The following SPAG6 variants were observed in gnomAD, a reference collection of about 807,000 sequenced individuals.
The protein encoded by SPAG6 is sperm-associated antigen 6.
Under a neutral mutation model 58.5 loss-of-function variants are expected in SPAG6, and 49 were observed. The ratio of observed to expected loss-of-function variants is 0.84; its 90% CI spans 0.67 to 1.06. The LOEUF is 1.06. SPAG6 is among the 50% of genes least tolerant of loss of function. SPAG6 has a pLI of 0.00. For missense variants in SPAG6, 560 were observed against 611.3 expected (o/e 0.92, Z 0.89); for synonymous variants, 233 against 225.6 (o/e 1.03, Z -0.29).
intron 2 of SPAG6, among the ~76,000 whole-genome samples, chr10:22,347,852 G>A (rs1257839027): frequency 6.6e-6 from 1 of 152,180 alleles, no homozygotes; most frequent in Non-Finnish European, 1.5e-5. Context: ...TTCTTTTCCT[G>A]AGGGACTTAT....
rs1588626820 is a variant in SPAG6, at chr10:22,345,501, A to G, written c.-111A>G. On this transcript the variant is annotated 5_prime_UTR_variant, in exon 1 of 11. Coordinates refer to ENST00000376624, the MANE Select transcript of SPAG6 (RefSeq NM_012443.4). This position sits in a 1 kb window ranked among gnomAD's most constrained non-coding sequence, Gnocchi z 6.3. ...CCCGGGAGACGCGGGTACACAGAGAAGCGGCTCCCGTCGGAGGCCGAGTCG... is the reference window on the plus strand; with the variant it reads ...CCCGGGAGACGCGGGTACACAGAGAGGCGGCTCCCGTCGGAGGCCGAGTCG... 1 of 897,744 alleles carries G rather than the reference A, an allele frequency of 1.1e-6. No homozygotes were observed. Among genetic ancestry groups the G allele is most frequent in the South Asian group, 1.7e-5 (1 of 58,940 alleles). The allele number at this position is 897,744 out of a possible 1,614,324, so 55.6% of individuals were successfully genotyped here.
chr10:22,347,567 T>C (rs989695283), intron 2 of SPAG6, among the ~76,000 whole-genome samples: 4 of 152,224 alleles, frequency 2.6e-5, no homozygotes, highest in African/African-American at 9.6e-5. Context: ...ATAATTGATA[T>C]TATTTTCAAA....
chr10:22,360,864 G>A, intron 2 of SPAG6: 3 of 1,508,950 alleles, frequency 2.0e-6, no homozygotes, highest in Non-Finnish European at 1.8e-6. Context: ...TAATGGACAG[G>A]CAGGTAAGAA....
intron 9 of SPAG6, among the ~76,000 whole-genome samples, chr10:22,406,100 G>A (rs565286867): frequency 3.2e-4 from 48 of 152,040 alleles, no homozygotes; most frequent in African/African-American, 8.9e-4. Context: ...TCCTGGATTC[G>A]TTAATTTTTT....
chr10:22,386,432 A>G (rs1834063967), intron 4 of SPAG6, among the ~76,000 whole-genome samples: 2 of 151,944 alleles, frequency 1.3e-5, no homozygotes, highest in South Asian at 4.1e-4. Flanking sequence ...TTGTCTATTG[A>G]GAAGTGCAGA....
In SPAG6 at chr10:22,360,705, T is replaced by A. The variant is rs1478770761; in HGVS notation, c.122-4148T>A. 8 of 718,552 alleles carry A rather than the reference T, an allele frequency of 1.1e-5. No homozygotes were observed. The East Asian group carries it at 2.2e-4, about 20-fold the overall frequency. 44.5% of individuals were successfully genotyped at this position (718,552 alleles called of 1,614,324 possible). ...GTATTGGATATAATATTACATAGTA[T>A]ATGTTGGGTCCTTCAAGTGAGCCCC... On this transcript the variant is annotated intron_variant, in intron 2 of 10. Transcript: ENST00000376624.
At chr10:22,368,817 A>G in intron 4 of SPAG6, 139 bp downstream of exon 4, 1 of 579,592 alleles carries the variant, frequency 1.7e-6, no homozygotes, top group Admixed American at 3.4e-5. Context: ...TACGTTTTGA[A>G]TGATGGCCAA....
intron 2 of SPAG6, among the ~76,000 whole-genome samples, chr10:22,363,228 A>G (rs554299779): frequency 6.6e-6 from 1 of 152,388 alleles, no homozygotes; most frequent in Admixed American, 6.5e-5. Flanking sequence ...AAAGCAAATT[A>G]CAAAGAGATG....
chr10:22,352,204 CGTGTATGTGT>C (rs1564359714), intron 2 of SPAG6, among the ~76,000 whole-genome samples: 5 of 148,938 alleles, frequency 3.4e-5, no homozygotes. Context: ...TGTGTGTGTG[CGTGTATGTGT>C]GTGTGTGTGT....
chr10:22,392,236 A>G (rs538155509), intron 8 of SPAG6, among the ~76,000 whole-genome samples: 2 of 152,208 alleles, frequency 1.3e-5, no homozygotes, highest in African/African-American at 4.8e-5. Flanking sequence ...TGCTGGAGAG[A>G]CCTCTAGTTC....
At chr10:22,378,582 C>T (rs1357642594) in intron 4 of SPAG6, among the ~76,000 whole-genome samples, 1 of 152,100 alleles carries the variant, frequency 6.6e-6, no homozygotes, top group Non-Finnish European at 1.5e-5. Context: ...TAGCTATTTT[C>T]TTCTTTACCG....
chr10:22,349,807 A>G (rs771449797), intron 2 of SPAG6, among the ~76,000 whole-genome samples: 4 of 152,220 alleles, frequency 2.6e-5, no homozygotes, highest in Non-Finnish European at 4.4e-5. Flanking sequence ...AGATTGAGGC[A>G]ACTTAATGGG....
Position 22,345,881 on chromosome 10 carries a change from G to C in SPAG6, c.121+63G>C. On this transcript the variant is annotated intron_variant, in intron 2 of 10. Transcript: ENST00000376624. The surrounding 1 kb of genome is among the most constrained non-coding windows in gnomAD (Gnocchi z 6.3). Reference sequence around the variant, plus strand: ...ACTGAGTCCCCGACGCCTCCGCCCCGCTGCCCTGCCCGTGGAGCTCTTGGG... The same window carrying C: ...ACTGAGTCCCCGACGCCTCCGCCCCCCTGCCCTGCCCGTGGAGCTCTTGGG... 6.3e-7 allele frequency: 1 copy of C among 1,580,702 alleles called. No homozygotes were observed. Among genetic ancestry groups the C allele is most frequent in the Non-Finnish European group, 8.6e-7 (1 of 1,163,782 alleles).
chr10:22,383,388 C>A (rs1196624371), intron 4 of SPAG6, among the ~76,000 whole-genome samples: 2 of 151,870 alleles, frequency 1.3e-5, no homozygotes, highest in Non-Finnish European at 2.9e-5. Flanking sequence ...ACCTGTAATC[C>A]CAGCACTTTA....
intron 9 of SPAG6, among the ~76,000 whole-genome samples, chr10:22,409,312 A>C (rs1433334774): frequency 6.6e-6 from 1 of 152,246 alleles, no homozygotes; most frequent in Non-Finnish European, 1.5e-5. Flanking sequence ...TATTTATAGA[A>C]TATTACATTT....
intron 2 of SPAG6, among the ~76,000 whole-genome samples, chr10:22,348,235 C>T (rs191944607): frequency 2.6e-5 from 4 of 152,284 alleles, no homozygotes; most frequent in Admixed American, 2.6e-4. Context: ...GTGATCCACC[C>T]GCCTTGGCCT....
chr10:22,410,505 C>T (rs779767231), intron 9 of SPAG6, among the ~76,000 whole-genome samples: 1 of 152,046 alleles, frequency 6.6e-6, no homozygotes, highest in Non-Finnish European at 1.5e-5. Flanking sequence ...TGAGCTAAGT[C>T]TTAAAAGATG....
rs544013070 is a variant in SPAG6, at chr10:22,370,896, C to T, written c.472+2218C>T. 2.5e-4 allele frequency among the ~76,000 whole-genome samples: 38 copies of T among 152,130 alleles called. No individual in the cohort carries two copies. In the South Asian group the frequency reaches 7.9e-3, roughly 32 times the overall value. ...CAGAGGGACACATTACAGATTATAA[C>T]ATGAGTGTTGGAAAAGAGCTTTGAG... is the stretch of plus-strand genomic sequence containing the variant. On this transcript the variant is annotated intron_variant, in intron 4 of 10. Transcript: ENST00000376624.
At chr10:22,396,964 ATC>A (rs1397881058) in intron 8 of SPAG6, among the ~76,000 whole-genome samples, 1 of 152,176 alleles carries the variant, frequency 6.6e-6, no homozygotes, top group Non-Finnish European at 1.5e-5. Flanking sequence ...AAAATTTATA[ATC>A]TGTTATTCAT....
Sources: allele counts gnomAD v4.1 joint callset (sites outside exome capture counted in the v4.1 genomes callset), GRCh38; gene constraint gnomAD v4.1.1; non-coding constraint Gnocchi (gnomAD v3.1); transcripts MANE v1.5; gene names NCBI Gene and HGNC (gene_info 2026-07-23, HGNC 2026-07-21).